Variants in STRN3 observed in about 807,000 individuals in gnomAD.
STRN3 encodes the protein striatin-3.
Under a neutral mutation model 95.6 loss-of-function variants are expected in STRN3, and 29 were observed. The ratio of observed to expected loss-of-function variants is 0.30; its 90% CI spans 0.23 to 0.41. The LOEUF is 0.41. Ranked by LOEUF, STRN3 falls within the 10% of genes least tolerant of loss-of-function variation. STRN3 has a pLI of 1.00. For missense variants in STRN3, 890 were observed against 972.1 expected, an observed-to-expected ratio of 0.92 and a Z score of 1.12; for synonymous variants, 331 against 357.6, an observed-to-expected ratio of 0.93 and a Z score of 0.84.
chr14:31,002,080 C>T (rs112995675), intron 1 of STRN3, among the ~76,000 whole-genome samples: 1,608 of 148,402 alleles, frequency 0.011, 36 homozygotes, highest in African/African-American at 0.037. Context: ...GCAGGAGAAT[C>T]GCTTGAACCC....
chr14:31,012,566 T>G (rs1205800232), intron 1 of STRN3, among the ~76,000 whole-genome samples: 1 of 152,178 alleles, frequency 6.6e-6, no homozygotes, highest in South Asian at 2.1e-4. Context: ...CTTTGGCCTA[T>G]CTACACAAAA....
intron 1 of STRN3, among the ~76,000 whole-genome samples, chr14:30,990,367 A>G (rs1881896683): frequency 6.6e-6 from 1 of 151,432 alleles, no homozygotes; most frequent in South Asian, 2.1e-4. Context: ...ACGGGGTTTC[A>G]CCGTATTAGC....
chr14:31,006,297 G>A (rs187635711), intron 1 of STRN3, among the ~76,000 whole-genome samples: 11 of 152,194 alleles, frequency 7.2e-5, no homozygotes, highest in East Asian at 1.9e-4. Context: ...GCTCATGCCT[G>A]TAATCCTAGA....
chr14:30,912,022 G>T lies in STRN3; in HGVS notation c.1535C>A (p.Thr512Lys). 6.2e-7 allele frequency: 1 copy of T among 1,608,862 alleles called. No individual in the cohort carries two copies. The highest frequency in any genetic ancestry group is 1.7e-5 in the Admixed American group (1 of 58,534). The change falls in exon 11 of 18, where the codon ACA (threonine) becomes AAA (lysine). Residue 512 changes from threonine to lysine, a missense_variant. Physicochemically the swap from Thr to Lys is moderately conservative, Grantham distance 78. This residue lies in a region of STRN3 where 357 missense variants were observed against 422.8 expected (regional missense o/e 0.84). Coordinates refer to ENST00000357479, the MANE Select transcript of STRN3 (RefSeq NM_001083893.2). ...HTLKLWNLQK[T>K]VPAKKSASLD... ...AAATACTTGCTTTTTGGCAGGAACT[G>T]TTTTTTGCAGGTTCCAAAGTTTCAG...
chr14:30,936,659 C>A, intron 5 of STRN3, 35 bp from the exon 6 acceptor site: 1 of 1,586,680 alleles, frequency 6.3e-7, no homozygotes, highest in South Asian at 1.2e-5. Flanking sequence ...TCCAACTATT[C>A]CAATGGTTGG....
chr14:30,962,709 A>G (rs1336389000), intron 1 of STRN3, among the ~76,000 whole-genome samples: 1 of 151,780 alleles, frequency 6.6e-6, no homozygotes, highest in Non-Finnish European at 1.5e-5. Context: ...TAAGTTTTCT[A>G]TTTTTTTAAG....
At chr14:30,911,450 C>T (rs76034001) in intron 12 of STRN3, among the ~76,000 whole-genome samples, 8,639 of 151,852 alleles carry the variant, frequency 0.057, 324 homozygotes, top group Middle Eastern at 0.088. Flanking sequence ...TACAAGCGCA[C>T]GCCAACATGC....
intron 7 of STRN3, among the ~76,000 whole-genome samples, chr14:30,932,563 C>A (rs554988521): frequency 1.3e-5 from 2 of 152,098 alleles, no homozygotes; most frequent in African/African-American, 4.8e-5. Flanking sequence ...ATTTCCGTCT[C>A]GTCTGGAAGT....
chr14:30,991,885 A>C (rs1490898300), intron 1 of STRN3, among the ~76,000 whole-genome samples: 2 of 151,786 alleles, frequency 1.3e-5, no homozygotes, highest in Non-Finnish European at 2.9e-5. Context: ...CAGGAGTCCA[A>C]GACCAGCCTA....
At chr14:30,988,935 G>A (rs775212512) in intron 1 of STRN3, among the ~76,000 whole-genome samples, 1 of 152,114 alleles carries the variant, frequency 6.6e-6, no homozygotes, top group African/African-American at 2.4e-5. Context: ...AGGCAACTAA[G>A]CCACCCCCTC....
At position 30,907,040 on chromosome 14, in the gene STRN3, T is replaced by C. The variant is rs1035940493; in HGVS notation, c.1725A>G (p.Pro575=). 1 of 1,605,436 alleles carries C rather than the reference T, an allele frequency of 6.2e-7. No individual in the cohort carries two copies. Among genetic ancestry groups the C allele is most frequent in the East Asian group, 2.2e-5 (1 of 44,792 alleles). ...PSVDPYDTYE[P]NVLAGTLVGH... ...CAACTAAAGTGCCAGCTAGAACATT[T>C]GGCTCTGGGGAAAAAACAAACAAAC... The change falls in exon 14 of 18, where the codon CCA becomes CCG. Residue 575 remains proline, a synonymous_variant. Coordinates refer to ENST00000357479, the MANE Select transcript of STRN3 (RefSeq NM_001083893.2).
At position 30,929,292 on chromosome 14, in the gene STRN3, T is replaced by A; in HGVS notation, c.1008A>T (p.Pro336=). 6.2e-7 allele frequency: 1 copy of A among 1,613,496 alleles called. No homozygotes were observed. Reference sequence around the variant, plus strand: ...GGTCTACATCCCAAACCTCAGCAGTTGGGGAGAGGTCATCTTTATCTACAT... The same window carrying A: ...GGTCTACATCCCAAACCTCAGCAGTAGGGGAGAGGTCATCTTTATCTACAT... The part of the protein sequence containing the change: ...GTEWDKDDLS[P]TAEVWDVDQG... Residue 336 remains proline, a synonymous_variant, in exon 8 of 18, where the codon CCA becomes CCT. Transcript: ENST00000357479.
chr14:30,922,655 C>A (rs1896914051), intron 8 of STRN3, among the ~76,000 whole-genome samples: 1 of 152,104 alleles, frequency 6.6e-6, no homozygotes, highest in Non-Finnish European at 1.5e-5. Context: ...GGCAAACAAT[C>A]TGGAAAAGAT....
At position 30,990,422 on chromosome 14, in the gene STRN3, A is replaced by C. The variant is rs193274388; in HGVS notation, c.283-34180T>G. On this transcript the variant is annotated intron_variant, in intron 1 of 17. Coordinates refer to ENST00000357479, the MANE Select transcript of STRN3 (RefSeq NM_001083893.2). ...TGATCTCATGATCCGCCCGCCTCAG[A>C]CTCCCAAAGTGCTGGGATTACAGGC... Among the ~76,000 whole-genome samples the C allele has an allele frequency of 4.8e-3, 723 of 151,088 alleles. 4 individuals are homozygous for C. Among genetic ancestry groups the C allele is most frequent in the African/African-American group, 0.017 (679 of 40,964 alleles).
intron 1 of STRN3, among the ~76,000 whole-genome samples, chr14:31,001,099 T>C (rs1033140102): frequency 3.9e-5 from 6 of 152,154 alleles, no homozygotes; most frequent in African/African-American, 1.2e-4. Flanking sequence ...TCTGTTGAAA[T>C]TGGTATCTAA....
At position 30,987,567 on chromosome 14, in the gene STRN3, G is replaced by A. The variant is rs572106018; in HGVS notation, c.283-31325C>T. 6.0e-4 allele frequency among the ~76,000 whole-genome samples: 91 copies of A among 152,040 alleles called. 1 individual carries two copies. Among genetic ancestry groups the A allele is most frequent in the Admixed American group, 5.5e-3 (84 of 15,258 alleles). On this transcript the variant is annotated intron_variant, in intron 1 of 17. Transcript: ENST00000357479. ...ATTTAAGCTGAGGCTAGAGAAATACGTCACAACCAGGCCATGTAGGACCTT... is the reference window on the plus strand; with the variant it reads ...ATTTAAGCTGAGGCTAGAGAAATACATCACAACCAGGCCATGTAGGACCTT...
chr14:30,975,947 C>T (rs186054193), intron 1 of STRN3, among the ~76,000 whole-genome samples: 7 of 150,446 alleles, frequency 4.7e-5, no homozygotes. Flanking sequence ...TATGCTAAGA[C>T]AGCAGAGAAA....
chr14:30,991,192 T>G (rs1462347103), intron 1 of STRN3, among the ~76,000 whole-genome samples: 21 of 152,132 alleles, frequency 1.4e-4, no homozygotes, highest in Admixed American at 1.4e-3. Context: ...TCATGTGGAG[T>G]AGGGCAAGGT....
chr14:30,912,522 TAA>T (rs1027643047), intron 10 of STRN3, among the ~76,000 whole-genome samples: 1 of 152,198 alleles, frequency 6.6e-6, no homozygotes, highest in African/African-American at 2.4e-5. Flanking sequence ...AATAATTACA[TAA>T]GTTATTACAA....
Sources: allele counts gnomAD v4.1 joint callset (sites outside exome capture counted in the v4.1 genomes callset), GRCh38; gene constraint gnomAD v4.1.1; regional missense constraint gnomAD v4.1.1; transcripts MANE v1.5; gene names NCBI Gene and HGNC (gene_info 2026-07-23, HGNC 2026-07-21).